Variants in MEGF8 observed in about 807,000 individuals in gnomAD.
MEGF8 encodes the protein multiple EGF like domains 8, also known as multiple epidermal growth factor-like domains protein 8.
MEGF8 carries 156 observed loss-of-function variants against 302.9 expected under a neutral mutation model. The ratio of observed to expected loss-of-function variants is 0.52; its 90% CI spans 0.45 to 0.59. MEGF8 has a LOEUF of 0.59. Among genes scored for constraint, MEGF8 ranks in the 20% least tolerant of loss-of-function variants. The pLI, the probability that MEGF8 is intolerant of heterozygous loss-of-function variation, is 0.00. For missense variants in MEGF8, 3,345 were observed against 3,964.5 expected (o/e 0.84, Z 4.20); for synonymous variants, 1,621 against 1,660.5 (o/e 0.98, Z 0.58).
At position 42,352,499 on chromosome 19, in the gene MEGF8, G is replaced by GGGGCA. The variant is rs2039391001; in HGVS notation, c.3350+44_3350+48dup. The GGGGCA allele has an allele frequency of 6.5e-7, 1 of 1,535,936 alleles. No homozygotes were observed. The highest frequency in any genetic ancestry group is 1.4e-5 in the African/African-American group (1 of 73,520). On this transcript the variant is annotated intron_variant, in intron 19 of 41. Coordinates refer to ENST00000251268, the MANE Select transcript of MEGF8 (RefSeq NM_001271938.2). This position sits in a 1 kb window ranked among gnomAD's most constrained non-coding sequence, Gnocchi z 4.4. Reference sequence around the variant, plus strand: ...TGCTATGGAGATGTTGCCCCAGGCTGGGGCACATGGAGGTGGAGGGAGGAA... The same window carrying GGGGCA: ...TGCTATGGAGATGTTGCCCCAGGCTGGGGCAGGGCACATGGAGGTGGAGGGAGGAA...
intron 1 of MEGF8, among the ~76,000 whole-genome samples, chr19:42,328,974 G>C (rs1175876476): frequency 6.6e-6 from 1 of 152,172 alleles, no homozygotes; most frequent in Non-Finnish European, 1.5e-5. Flanking sequence ...GGGTGGGGTG[G>C]ATGTACCTAG....
intron 32 of MEGF8, among the ~76,000 whole-genome samples, chr19:42,361,720 G>A (rs771916810): frequency 3.3e-5 from 5 of 152,140 alleles, no homozygotes; most frequent in Non-Finnish European, 7.4e-5. Context: ...GGGCAGGGAC[G>A]GGCCTGGGCA....
In MEGF8 at chr19:42,353,395, C is replaced by T; in HGVS notation, c.3551-70C>T. The T allele has an allele frequency of 6.6e-7, 1 of 1,526,294 alleles. No individual in the cohort carries two copies. Among genetic ancestry groups the T allele is most frequent in the Non-Finnish European group, 8.9e-7 (1 of 1,126,012 alleles). The allele number at this position is 1,526,294 out of a possible 1,614,324, so 94.5% of individuals were successfully genotyped here. On this transcript the variant is annotated intron_variant, in intron 20 of 41. Transcript: ENST00000251268. This position sits in a 1 kb window ranked among gnomAD's most constrained non-coding sequence, Gnocchi z 6.1. ...GCGGCTGGGTGGGGTCAGGGTTTAGCTGAGCCAGTAGGCCTGGGCCTGTTT... is the reference window on the plus strand; with the variant it reads ...GCGGCTGGGTGGGGTCAGGGTTTAGTTGAGCCAGTAGGCCTGGGCCTGTTT...
Position 42,354,570 on chromosome 19 carries a change from G to C in MEGF8, c.4012-18G>C. On this transcript the variant is annotated intron_variant, in intron 22 of 41. Transcript: ENST00000251268. This position sits in a 1 kb window ranked among gnomAD's most constrained non-coding sequence, Gnocchi z 4.3. ...TCATCCTCATTGTCTCCTAATCCTC[G>C]ATTCTGCACCCCTCTAGCTGAGCTA... is the stretch of plus-strand genomic sequence containing the variant. 6.2e-7 allele frequency: 1 copy of C among 1,601,504 alleles called. No homozygotes were observed. Among genetic ancestry groups the C allele is most frequent in the Non-Finnish European group, 8.5e-7 (1 of 1,171,330 alleles).
At position 42,353,129 on chromosome 19, in the gene MEGF8, T is replaced by C; in HGVS notation, c.3550+2T>C. 1 of 1,541,954 alleles carries C rather than the reference T, an allele frequency of 6.5e-7. No homozygotes were observed. Among genetic ancestry groups the C allele is most frequent in the Non-Finnish European group, 8.7e-7 (1 of 1,143,746 alleles). ...CTGGCTTCTGCGACGAGTGCCAGGGTAAGCAGCCCTTGTCCTGGGCCCAGC... is the reference window on the plus strand; with the variant it reads ...CTGGCTTCTGCGACGAGTGCCAGGGCAAGCAGCCCTTGTCCTGGGCCCAGC... On this transcript the variant is annotated splice_donor_variant, in intron 20 of 41. Coordinates refer to ENST00000251268, the MANE Select transcript of MEGF8 (RefSeq NM_001271938.2). LOFTEE classifies it high-confidence loss of function. This position sits in a 1 kb window ranked among gnomAD's most constrained non-coding sequence, Gnocchi z 6.1.
At position 42,348,422 on chromosome 19, in the gene MEGF8, C is replaced by T. The variant is rs951718542; in HGVS notation, c.2248C>T (p.Arg750Cys). 30 of 1,535,152 alleles carry T rather than the reference C, an allele frequency of 2.0e-5. No individual in the cohort carries two copies. The highest frequency in any genetic ancestry group is 5.5e-5 in the African/African-American group (4 of 73,018). ...EDVAVWTRAQ[R>C]LHVLARMARG... ...CGTGGCCGTGTGGACGCGGGCCCAG[C>T]GCCTACACGTCCTGGCCCGGATGGC... The change falls in exon 13 of 42, where the codon CGC (arginine) becomes TGC (cysteine). Residue 750 changes from arginine (R) to cysteine (C), a missense_variant. Transcript: ENST00000251268.
At position 42,343,639 on chromosome 19, in the gene MEGF8, C is replaced by A. The variant is rs2039245751; in HGVS notation, c.1668+8C>A. The A allele has an allele frequency of 6.3e-7, 1 of 1,595,182 alleles. No individual in the cohort carries two copies. Among genetic ancestry groups the A allele is most frequent in the Non-Finnish European group, 8.6e-7 (1 of 1,168,714 alleles). On this transcript the variant is annotated splice_region_variant and intron_variant, in intron 9 of 41. Transcript: ENST00000251268. ...CAGGCACCTGCCCCTGACGTGAGCA[C>A]TGGGGTGACAGGGAAAGGGTGGCTG...
Position 42,335,996 on chromosome 19 carries a change from G to A in MEGF8, c.894G>A (p.Leu298=). 6.5e-7 allele frequency: 1 copy of A among 1,540,934 alleles called. No individual in the cohort carries two copies. Among genetic ancestry groups the A allele is most frequent in the Non-Finnish European group, 8.7e-7 (1 of 1,144,718 alleles). Residue 298 remains leucine, a synonymous_variant, in exon 6 of 42, where the codon CTG becomes CTA. Transcript: ENST00000251268. ...AGSLVLMGGE[L]ADGSLTNDVW... is the part of the protein sequence containing the mutation. The stretch of plus-strand genomic sequence containing the variant: ...CCCTGGTACTGATGGGTGGTGAGCT[G>A]GCTGACGGCTCGCTCACCAACGACG...
In MEGF8 at chr19:42,351,395, G is replaced by A. The variant is rs772926072; in HGVS notation, c.2856-34G>A. ...ATGTGCCTGGGGATGTGTGCTGGCTGTGGAGTGACCTGGCCCCCTGCTCCC... is the reference window on the plus strand; with the variant it reads ...ATGTGCCTGGGGATGTGTGCTGGCTATGGAGTGACCTGGCCCCCTGCTCCC... On this transcript the variant is annotated intron_variant, in intron 16 of 41. Transcript: ENST00000251268. The surrounding 1 kb of genome is among the most constrained non-coding windows in gnomAD (Gnocchi z 5.6). 6 of 1,578,364 alleles carry A rather than the reference G, an allele frequency of 3.8e-6. No individual in the cohort carries two copies. Among genetic ancestry groups the A allele is most frequent in the African/African-American group, 1.3e-5 (1 of 74,208 alleles).
chr19:42,374,366 G>T (rs948224914), intron 41 of MEGF8, among the ~76,000 whole-genome samples: 1 of 151,762 alleles, frequency 6.6e-6, no homozygotes, highest in Non-Finnish European at 1.5e-5. Context: ...AACTACTCGG[G>T]AGGCTGAGGC....
Position 42,353,138 on chromosome 19 carries a change from C to G in MEGF8, c.3550+11C>G. The G allele has an allele frequency of 6.5e-7, 1 of 1,537,476 alleles. No individual in the cohort carries two copies. The highest frequency in any genetic ancestry group is 2.5e-5 in the East Asian group (1 of 40,728). The stretch of plus-strand genomic sequence containing the variant: ...GCGACGAGTGCCAGGGTAAGCAGCC[C>G]TTGTCCTGGGCCCAGCCTGGACCCA... On this transcript the variant is annotated intron_variant, in intron 20 of 41. Coordinates refer to ENST00000251268, the MANE Select transcript of MEGF8 (RefSeq NM_001271938.2). The surrounding 1 kb of genome is among the most constrained non-coding windows in gnomAD (Gnocchi z 6.1).
intron 12 of MEGF8, among the ~76,000 whole-genome samples, chr19:42,347,736 C>T (rs1333017567): frequency 2.0e-5 from 3 of 152,008 alleles, no homozygotes; most frequent in Non-Finnish European, 4.4e-5. Flanking sequence ...AAGTGATCTG[C>T]CCACCTCGGC....
intron 5 of MEGF8, 119 bp downstream of exon 5, chr19:42,335,504 A>C: frequency 1.2e-6 from 1 of 849,304 alleles, no homozygotes; most frequent in African/African-American, 1.7e-5. Context: ...TGATATAGGA[A>C]CCTACTTCTC....
Position 42,357,365 on chromosome 19 carries a change from C to G in MEGF8, c.4831-39C>G. ...TTCTACCCACAAGGTGACCCCTGACCTCTAGCCCCATCGGTGACCTTGCCC... is the reference window on the plus strand; with the variant it reads ...TTCTACCCACAAGGTGACCCCTGACGTCTAGCCCCATCGGTGACCTTGCCC... On this transcript the variant is annotated intron_variant, in intron 27 of 41. Transcript: ENST00000251268. The surrounding 1 kb of genome is among the most constrained non-coding windows in gnomAD (Gnocchi z 5.2). 1 of 1,604,012 alleles carries G rather than the reference C, an allele frequency of 6.2e-7. No homozygotes were observed. Among genetic ancestry groups the G allele is most frequent in the South Asian group, 1.1e-5 (1 of 90,128 alleles).
intron 12 of MEGF8, among the ~76,000 whole-genome samples, chr19:42,347,462 C>T (rs1372491749): frequency 6.6e-6 from 1 of 151,338 alleles, no homozygotes; most frequent in Non-Finnish European, 1.5e-5. Context: ...GGATTACAAA[C>T]ATGCACCACC....
chr19:42,336,058 A>G lies in MEGF8; in HGVS notation c.956A>G (p.Glu319Gly). The G allele has an allele frequency of 6.3e-7, 1 of 1,587,252 alleles. No homozygotes were observed. Among genetic ancestry groups the G allele is most frequent in the Non-Finnish European group, 8.5e-7 (1 of 1,170,572 alleles). Residue 319 changes from glutamate to glycine, a missense_variant, in exon 6 of 42, where the codon GAG (glutamate) becomes GGG (glycine). Coordinates refer to ENST00000251268, the MANE Select transcript of MEGF8 (RefSeq NM_001271938.2). The surrounding 1 kb of genome is among the most constrained non-coding windows in gnomAD (Gnocchi z 4.8). ...AGTCCACTGGGCAGGGGCCACTGGG[A>G]GCTCCTGGCACCACCTGCCTCCAGC... is the stretch of plus-strand genomic sequence containing the variant. ...AFSPLGRGHW[E>G]LLAPPASSSS...
chr19:42,350,446 G>A (rs2039352101), intron 15 of MEGF8, 62 bp downstream of exon 15: 2 of 1,395,010 alleles, frequency 1.4e-6, no homozygotes, highest in South Asian at 1.5e-5. Flanking sequence ...GCAATGGGCA[G>A]TCAAGGGAAC....
In MEGF8 at chr19:42,339,156, T is replaced by C. The variant is rs920481278; in HGVS notation, c.1513+1950T>C. Among the ~76,000 whole-genome samples the C allele has an allele frequency of 1.6e-4, 25 of 152,282 alleles. 1 individual carries two copies. In the East Asian group the frequency reaches 3.1e-3, roughly 19 times the overall value. On this transcript the variant is annotated intron_variant, in intron 8 of 41. Transcript: ENST00000251268. Reference sequence around the variant, plus strand: ...GCCTCCATTTTCTTTATCCAGTCTATCATTGATGGGCATTTAGGTTGATTC... The same window carrying C: ...GCCTCCATTTTCTTTATCCAGTCTACCATTGATGGGCATTTAGGTTGATTC...
Position 42,358,824 on chromosome 19 carries a change from G to A in MEGF8, c.5213G>A (p.Gly1738Asp). The A allele has an allele frequency of 6.3e-7, 1 of 1,597,274 alleles. No homozygotes were observed. ...AGGAATGTGCGTGGCTCATCTCGGG[G>A]TCTGGGCCAAGTTCCTGGGGAGCAG... The part of the protein sequence containing the change: ...RMRNVRGSSR[G>D]LGQVPGEQPG... Residue 1738 changes from glycine to aspartate, a missense_variant, in exon 30 of 42, where the codon GGT becomes GAT. Gly to Asp is a moderately conservative substitution (Grantham distance 94). Coordinates refer to ENST00000251268, the MANE Select transcript of MEGF8 (RefSeq NM_001271938.2). The surrounding 1 kb of genome is among the most constrained non-coding windows in gnomAD (Gnocchi z 4.4).
Sources: gnomAD v4.1 joint callset for allele counts (sites outside exome capture counted in the v4.1 genomes callset) on GRCh38, gnomAD v4.1.1 for gene constraint, Gnocchi (gnomAD v3.1) non-coding constraint, MANE v1.5 for transcripts, NCBI Gene and HGNC (gene_info 2026-07-23, HGNC 2026-07-21) for gene names.